The following ZFHX3 variants were observed in gnomAD, a reference collection of about 807,000 sequenced individuals.
ZFHX3 encodes the protein zinc finger homeobox protein 3.
ZFHX3 carries 42 observed loss-of-function variants against 279.1 expected under a neutral mutation model. The observed-to-expected ratio is 0.15, with a 90% CI of 0.12 to 0.19. ZFHX3 has a LOEUF of 0.19. ZFHX3 is among the 10% of genes least tolerant of loss of function. The probability of loss-of-function intolerance (pLI) is 1.00; values close to 1 mark genes in which losing one functional copy is unlikely to be tolerated. For missense variants in ZFHX3, 4,981 were observed against 4,754.0 expected (o/e 1.05, Z -1.40); for synonymous variants, 2,293 against 1,957.8 (o/e 1.17, Z -4.52).
chr16:73,657,207 A>T (rs1017087206), intron 2 of ZFHX3, among the ~76,000 whole-genome samples: 2 of 152,226 alleles, frequency 1.3e-5, no homozygotes, highest in Non-Finnish European at 2.9e-5. Context: ...CTGTAATCCC[A>T]GCACTTTGGG....
intron 1 of ZFHX3, among the ~76,000 whole-genome samples, chr16:73,762,951 G>A (rs2053887606): frequency 6.6e-6 from 1 of 152,062 alleles, no homozygotes; most frequent in South Asian, 2.1e-4. Flanking sequence ...TAACAAACCT[G>A]CACATCCTGC....
chr16:73,466,702 C>G (rs1309305653), intron 2 of ZFHX3, among the ~76,000 whole-genome samples: 2 of 152,152 alleles, frequency 1.3e-5, no homozygotes, highest in Non-Finnish European at 2.9e-5. Context: ...CTGTTCTCAA[C>G]CCATGGCAGT....
rs995945105 is a variant in ZFHX3, at chr16:72,940,522, G to A, written c.3216+9947C>T. ...AGCAGGAAGACACGGATGCCCCGGT[G>A]TGACACGTGCCACCAAGAAAACTCC... is the stretch of plus-strand genomic sequence containing the variant. On this transcript the variant is annotated intron_variant, in intron 3 of 9. Transcript: ENST00000268489. 2.0e-5 allele frequency among the ~76,000 whole-genome samples: 3 copies of A among 152,286 alleles called. No individual in the cohort carries two copies. The East Asian group carries it at 5.8e-4, about 29-fold the overall frequency.
At chr16:73,198,822 G>A (rs892371781) in intron 5 of ZFHX3, among the ~76,000 whole-genome samples, 1 of 152,272 alleles carries the variant, frequency 6.6e-6, no homozygotes, top group East Asian at 1.9e-4. Context: ...AAAGCCAACG[G>A]CACTGGATTC....
At position 72,812,008 on chromosome 16, in the gene ZFHX3, G is replaced by GTCAGCTCCT. The variant is rs757062486; in HGVS notation, c.3551_3559dup (p.Lys1184_Leu1186dup). On this transcript the variant is annotated inframe_insertion, in exon 6 of 10. Coordinates refer to ENST00000268489, the MANE Select transcript of ZFHX3 (RefSeq NM_006885.4). ...GCGTTTGGAGGTTGCAGGAGAATCTGTCAGCTCCTTCTCTGCTTGGCTGGA... is the reference window on the plus strand; with the variant it reads ...GCGTTTGGAGGTTGCAGGAGAATCTGTCAGCTCCTTCAGCTCCTTCTCTGCTTGGCTGGA... 5.6e-6 allele frequency: 9 copies of GTCAGCTCCT among 1,614,030 alleles called. No homozygotes were observed. The highest frequency in any genetic ancestry group is 7.6e-6 in the Non-Finnish European group (9 of 1,180,048).
At chr16:73,053,476 C>G (rs987213389) in intron 1 of ZFHX3, among the ~76,000 whole-genome samples, 1 of 151,386 alleles carries the variant, frequency 6.6e-6, no homozygotes, top group East Asian at 1.9e-4. Flanking sequence ...CAAGGTTTTT[C>G]GGTGGGTGGG....
At chr16:73,032,166 G>A (rs1302443688) in intron 1 of ZFHX3, among the ~76,000 whole-genome samples, 2 of 152,158 alleles carry the variant, frequency 1.3e-5, no homozygotes, top group African/African-American at 4.8e-5. Flanking sequence ...ACGTGGTGAT[G>A]CATGCCTACA....
chr16:73,219,306 T>C (rs2012327509), intron 5 of ZFHX3, among the ~76,000 whole-genome samples: 1 of 152,228 alleles, frequency 6.6e-6, no homozygotes, highest in Non-Finnish European at 1.5e-5. Flanking sequence ...ACACGCCATG[T>C]TATTAACAGA....
intron 8 of ZFHX3, among the ~76,000 whole-genome samples, chr16:73,079,631 A>T (rs368931980): frequency 1.8e-4 from 28 of 152,102 alleles, no homozygotes; most frequent in Admixed American, 1.1e-3. Context: ...GAGCTGCCAC[A>T]CCTGGCCTCC....
chr16:73,859,097 C>A (rs906999441), intron 1 of ZFHX3, among the ~76,000 whole-genome samples: 18 of 152,142 alleles, frequency 1.2e-4, no homozygotes, highest in Non-Finnish European at 1.9e-4. Context: ...GAAACATTTC[C>A]AAATTTCAGT....
chr16:73,446,909 G>A (rs898430058), intron 3 of ZFHX3, among the ~76,000 whole-genome samples: 1 of 152,044 alleles, frequency 6.6e-6, no homozygotes. Context: ...GGCTGGGCAC[G>A]GTGGCTCACA....
intron 5 of ZFHX3, among the ~76,000 whole-genome samples, chr16:73,210,441 A>T (rs2011972386): frequency 6.6e-6 from 1 of 152,164 alleles, no homozygotes; most frequent in African/African-American, 2.4e-5. Context: ...AAATCCATTA[A>T]ATTTTTTGAT....
chr16:73,457,431 C>A (rs2018392404), intron 2 of ZFHX3, among the ~76,000 whole-genome samples: 1 of 152,154 alleles, frequency 6.6e-6, no homozygotes, highest in Admixed American at 6.5e-5. Context: ...GTAGAAGGGC[C>A]TTGAATAAGC....
At chr16:73,108,165 A>C (rs968792935) in intron 7 of ZFHX3, among the ~76,000 whole-genome samples, 2 of 151,776 alleles carry the variant, frequency 1.3e-5, no homozygotes, top group African/African-American at 4.8e-5. Flanking sequence ...CATCTCAAAT[A>C]AACAACAACA....
At chr16:73,759,150 A>G (rs941567177) in intron 1 of ZFHX3, among the ~76,000 whole-genome samples, 2 of 152,214 alleles carry the variant, frequency 1.3e-5, no homozygotes, top group Middle Eastern at 3.2e-3. Flanking sequence ...ACAGAAGTCT[A>G]TTTCTCTCTT....
intron 3 of ZFHX3, among the ~76,000 whole-genome samples, chr16:73,383,812 C>T (rs2016854968): frequency 6.6e-6 from 1 of 152,282 alleles, no homozygotes; most frequent in East Asian, 1.9e-4. Flanking sequence ...ACAATGGACC[C>T]TGCTTGCCAA....
intron 1 of ZFHX3, among the ~76,000 whole-genome samples, chr16:73,001,331 CA>C (rs1438127373): frequency 6.6e-6 from 1 of 152,194 alleles, no homozygotes; most frequent in African/African-American, 2.4e-5. Context: ...GTCAAGTCTT[CA>C]GATGAGACCA....
chr16:73,619,224 C>G (rs2052333760), intron 2 of ZFHX3, among the ~76,000 whole-genome samples: 1 of 152,058 alleles, frequency 6.6e-6, no homozygotes, highest in South Asian at 2.1e-4. Context: ...TGCGGTGGCT[C>G]ATGCCTGTAA....
At chr16:73,374,097 C>T (rs1040219488) in intron 3 of ZFHX3, among the ~76,000 whole-genome samples, 6 of 152,152 alleles carry the variant, frequency 3.9e-5, no homozygotes, top group South Asian at 2.1e-4. Flanking sequence ...CACCTATCGA[C>T]GCAGAGGCAA....
Sources: allele counts gnomAD v4.1 joint callset (sites outside exome capture counted in the v4.1 genomes callset), GRCh38; gene constraint gnomAD v4.1.1; transcripts MANE v1.5; gene names NCBI Gene and HGNC (gene_info 2026-07-23, HGNC 2026-07-21).